The following NUDCD1 variants were observed in gnomAD, a reference collection of about 807,000 sequenced individuals.
The protein encoded by NUDCD1 is nudC domain-containing protein 1.
In NUDCD1, 60 loss-of-function variants were observed where a neutral mutation model predicts 67.8. The observed-to-expected ratio is 0.88, with a 90% CI of 0.72 to 1.10. The LOEUF (loss-of-function observed/expected upper bound fraction) is 1.10, where lower values mean the gene tolerates loss of function less well. Ranked by LOEUF, NUDCD1 falls within the 50% of genes least tolerant of loss-of-function variation. NUDCD1 has a pLI of 0.00. For synonymous variants in NUDCD1, 244 were observed against 230.8 expected, an observed-to-expected ratio of 1.06 and a Z score of -0.52; for missense variants, 643 against 695.0, an observed-to-expected ratio of 0.93 and a Z score of 0.84.
intron 1 of NUDCD1, 78 bp from the exon 2 acceptor site, chr8:109,322,541 C>CAA (rs369420382): frequency 6.6e-5 from 54 of 817,544 alleles, no homozygotes; most frequent in African/African-American, 2.0e-4. Flanking sequence ...GCCTACAAGG[C>CAA]AAAAAAAAAA....
At chr8:109,303,989 C>T (rs866016890) in intron 2 of NUDCD1, among the ~76,000 whole-genome samples, 2 of 152,168 alleles carry the variant, frequency 1.3e-5, no homozygotes, top group African/African-American at 4.8e-5. Flanking sequence ...CATATACTCT[C>T]CTATCCTCAA....
At position 109,243,665 on chromosome 8, in the gene NUDCD1, G is replaced by A. The variant is rs59990435; in HGVS notation, c.1460-364C>T. Among the ~76,000 whole-genome samples the A allele has an allele frequency of 8.8e-4, 134 of 152,270 alleles. No homozygotes were observed. In the East Asian group the frequency reaches 0.023, roughly 26 times the overall value. ...GTGCCAATTTAATATTTAGCTTCGT[G>A]AGTTACGGATAGGGCATCACAGAAC... On this transcript the variant is annotated intron_variant, in intron 9 of 9. Coordinates refer to ENST00000239690, the MANE Select transcript of NUDCD1 (RefSeq NM_032869.4).
At chr8:109,300,201 C>G (rs1814952101) in intron 2 of NUDCD1, among the ~76,000 whole-genome samples, 1 of 152,076 alleles carries the variant, frequency 6.6e-6, no homozygotes. Flanking sequence ...TTCTTTAACA[C>G]CCTCCGAAAA....
chr8:109,284,364 A>G (rs1428184536), intron 5 of NUDCD1, among the ~76,000 whole-genome samples: 1 of 152,142 alleles, frequency 6.6e-6, no homozygotes. Flanking sequence ...CACTCACAGC[A>G]TCACACAGAT....
intron 8 of NUDCD1, among the ~76,000 whole-genome samples, chr8:109,248,263 T>A (rs923034938): frequency 1.3e-5 from 2 of 152,190 alleles, no homozygotes; most frequent in Admixed American, 6.5e-5. Flanking sequence ...CAAACCACTT[T>A]AGGACTTCTG....
chr8:109,245,433 T>C lies in NUDCD1; in HGVS notation c.1348A>G (p.Lys450Glu). 6.2e-7 allele frequency: 1 copy of C among 1,613,774 alleles called. No homozygotes were observed. Among genetic ancestry groups the C allele is most frequent in the Non-Finnish European group, 8.5e-7 (1 of 1,179,876 alleles). ...QYLFSVIVDP[K>E]EMPCFCLRHD... ...CGCAAACAGAAGCAGGGCATTTCTT[T>C]AGGATCCACTATGACAGAGAAAAGG... The change falls in exon 9 of 10, where the codon AAA (lysine) becomes GAA (glutamate). Residue 450 changes from lysine (K) to glutamate (E), a missense_variant. Physicochemically the swap from Lys to Glu is moderately conservative, Grantham distance 56. Transcript: ENST00000239690.
At chr8:109,270,454 G>A (rs1191712101) in intron 8 of NUDCD1, among the ~76,000 whole-genome samples, 1 of 152,002 alleles carries the variant, frequency 6.6e-6, no homozygotes, top group African/African-American at 2.4e-5. Flanking sequence ...AATATAAGTG[G>A]TAATCAATTT....
intron 8 of NUDCD1, among the ~76,000 whole-genome samples, chr8:109,263,731 G>A (rs1231282604): frequency 6.6e-6 from 1 of 152,088 alleles, no homozygotes; most frequent in South Asian, 2.1e-4. Context: ...GGAGGGGGGT[G>A]CTGGGAGACA....
In NUDCD1 at chr8:109,271,138, CAGA is replaced by C; in HGVS notation, c.1174-11_1174-9del. On this transcript the variant is annotated splice_polypyrimidine_tract_variant and intron_variant, in intron 7 of 9. Coordinates refer to ENST00000239690, the MANE Select transcript of NUDCD1 (RefSeq NM_032869.4). ...TTTATCTGGATTTGGATTCTTAGTC[CAGA>C]AAATAAAATAAGTAAATAAGTAAAA... 1 of 1,519,240 alleles carries C rather than the reference CAGA, an allele frequency of 6.6e-7. No individual in the cohort carries two copies. The highest frequency in any genetic ancestry group is 8.9e-7 in the Non-Finnish European group (1 of 1,119,278). The allele number at this position is 1,519,240 out of a possible 1,614,324, so 94.1% of individuals were successfully genotyped here.
At chr8:109,306,392 T>C (rs1272808323) in intron 2 of NUDCD1, among the ~76,000 whole-genome samples, 3 of 152,022 alleles carry the variant, frequency 2.0e-5, no homozygotes, top group Admixed American at 6.6e-5. Context: ...TCACTCACTC[T>C]CTCCTAGCCG....
intron 7 of NUDCD1, among the ~76,000 whole-genome samples, chr8:109,273,782 T>C (rs778986924): frequency 2.0e-5 from 3 of 152,044 alleles, no homozygotes; most frequent in Non-Finnish European, 2.9e-5. Flanking sequence ...CTTCTAGAAA[T>C]AGAAGAGAGA....
intron 5 of NUDCD1, among the ~76,000 whole-genome samples, chr8:109,283,764 A>C (rs1000525411): frequency 1.3e-5 from 2 of 152,192 alleles, no homozygotes; most frequent in African/African-American, 2.4e-5. Context: ...AGCCTTAACA[A>C]GAGATCTTTA....
intron 9 of NUDCD1, among the ~76,000 whole-genome samples, chr8:109,244,258 T>C (rs1813444814): frequency 1.3e-5 from 2 of 152,120 alleles, no homozygotes; most frequent in South Asian, 4.1e-4. Context: ...CAGGCTAACC[T>C]TGACAGAATA....
intron 2 of NUDCD1, among the ~76,000 whole-genome samples, chr8:109,318,967 T>C (rs1343362185): frequency 6.6e-6 from 1 of 150,922 alleles, no homozygotes; most frequent in African/African-American, 2.4e-5. Context: ...TGTTTTTTTT[T>C]TTTTTTTTGA....
At chr8:109,248,324 C>T (rs1813546509) in intron 8 of NUDCD1, among the ~76,000 whole-genome samples, 1 of 152,208 alleles carries the variant, frequency 6.6e-6, no homozygotes, top group East Asian at 1.9e-4. Context: ...ACCACTACAC[C>T]TGCAGCAATT....
intron 2 of NUDCD1, among the ~76,000 whole-genome samples, chr8:109,311,089 C>T (rs932879161): frequency 6.6e-5 from 10 of 152,198 alleles, no homozygotes; most frequent in African/African-American, 2.2e-4. Flanking sequence ...GCTGGGATTA[C>T]AGGCATAAGC....
Position 109,333,884 on chromosome 8 carries a change from G to C in NUDCD1, c.118+9C>G. 1 of 1,613,752 alleles carries C rather than the reference G, an allele frequency of 6.2e-7. No individual in the cohort carries two copies. Among genetic ancestry groups the C allele is most frequent in the Non-Finnish European group, 8.5e-7 (1 of 1,179,790 alleles). On this transcript the variant is annotated intron_variant, in intron 1 of 9. Transcript: ENST00000239690. ...GGAACGGAGTACGAAGGGCGCCGCC[G>C]CTTCCCACCTGCGTCAAGCTCCAGC... is the stretch of plus-strand genomic sequence containing the variant.
At position 109,289,817 on chromosome 8, in the gene NUDCD1, TTA is replaced by T. The variant is rs1814664676; in HGVS notation, c.755_756del (p.Leu252TyrfsTer10). The T allele has an allele frequency of 6.4e-7, 1 of 1,570,906 alleles. No individual in the cohort carries two copies. The highest frequency in any genetic ancestry group is 8.7e-7 in the Non-Finnish European group (1 of 1,151,236). ...NGLMIVSYKS[L>X]TFVQAGQDLE... ...AGATCTTGACCAGCCTGAACAAATG[TTA>T]AAGACTTGTAGGATACAATCATTAG... On this transcript the variant is annotated frameshift_variant, in exon 5 of 10. Transcript: ENST00000239690. LOFTEE classifies it high-confidence loss of function.
intron 8 of NUDCD1, among the ~76,000 whole-genome samples, chr8:109,261,348 G>T (rs1813860027): frequency 6.6e-6 from 1 of 151,940 alleles, no homozygotes; most frequent in Non-Finnish European, 1.5e-5. Context: ...ATCCACACTA[G>T]AATGAATAAA....
Sources: allele counts gnomAD v4.1 joint callset (sites outside exome capture counted in the v4.1 genomes callset), GRCh38; gene constraint gnomAD v4.1.1; transcripts MANE v1.5; gene names NCBI Gene and HGNC (gene_info 2026-07-23, HGNC 2026-07-21).